Variants in MANSC4 observed in about 807,000 individuals in gnomAD.
The protein encoded by MANSC4 is MANSC domain-containing protein 4.
A neutral mutation model predicts 11.4 loss-of-function variants in MANSC4; 11 were observed. The ratio of observed to expected loss-of-function variants is 0.97; its 90% CI spans 0.61 to 1.60. The LOEUF (loss-of-function observed/expected upper bound fraction) is 1.60, where lower values mean the gene tolerates loss of function less well. Ranked by LOEUF, MANSC4 falls within the 40% of genes most tolerant of loss-of-function variation. MANSC4 has a pLI of 0.00. For synonymous variants in MANSC4, 123 were observed against 147.1 expected, an observed-to-expected ratio of 0.84 and a Z score of 1.19; for missense variants, 354 against 404.6, an observed-to-expected ratio of 0.88 and a Z score of 1.07.
chr12:27,771,239 A>T lies in MANSC4; in HGVS notation c.38T>A (p.Leu13His), dbSNP rs949613069. 6.4e-7 allele frequency: 1 copy of T among 1,551,306 alleles called. No individual in the cohort carries two copies. The highest frequency in any genetic ancestry group is 1.4e-5 in the African/African-American group (1 of 73,018). Residue 13 changes from leucine (L) to histidine (H), a missense_variant, in exon 2 of 4, where the codon CTC (leucine) becomes CAC (histidine). Coordinates refer to ENST00000381273, the MANE Select transcript of MANSC4 (RefSeq NM_001146221.5). ...GTCTGATGTCCACCCCATGCTTAGG[A>T]GCAATATCACGTTCACTGCTACCTC... is the stretch of plus-strand genomic sequence containing the variant. Reference protein sequence around the residue: ...VAEVAVNVILLLSMGWTSDSL... With the variant: ...VAEVAVNVILHLSMGWTSDSL...
intron 2 of MANSC4, 115 bp downstream of exon 2, chr12:27,770,933 C>A: frequency 1.4e-6 from 1 of 726,974 alleles, no homozygotes; most frequent in Non-Finnish European, 2.2e-6. Context: ...CACCCTAGGG[C>A]ATCTTCTCTA....
At position 27,774,323 on chromosome 12, in the gene MANSC4, T is replaced by A. The variant is rs189410519; in HGVS notation, c.-306-2741A>T. Among the ~76,000 whole-genome samples, 290 of 152,270 alleles carry A rather than the reference T, an allele frequency of 1.9e-3. 1 individual carries two copies. Among genetic ancestry groups the A allele is most frequent in the African/African-American group, 6.6e-3 (273 of 41,564 alleles). On this transcript the variant is annotated intron_variant, in intron 1 of 3. Coordinates refer to ENST00000381273, the MANE Select transcript of MANSC4 (RefSeq NM_001146221.5). ...TCAATATTTCACCTTTAATTAATTA[T>A]TTATTTATTTTTTGAGAGTTTCCAT...
chr12:27,764,952 C>T (rs1334299204), intron 3 of MANSC4, among the ~76,000 whole-genome samples: 1 of 152,138 alleles, frequency 6.6e-6, no homozygotes, highest in Non-Finnish European at 1.5e-5. Flanking sequence ...ATCCTCCCAC[C>T]TCAGCCTCAT....
rs545235002 is a variant in MANSC4 at position 27,763,359 on chromosome 12, G to C, written c.402C>G (p.Pro134=). The C allele has an allele frequency of 6.5e-7, 1 of 1,549,870 alleles. No individual in the cohort carries two copies. The highest frequency in any genetic ancestry group is 2.4e-5 in the East Asian group (1 of 40,900). ...ATGAAGAACGAGTATTTAGATATGT[G>C]GGAGATTGTTCAAAAACCAGCAAAT... ...DPDLLVFEQS[P]TYLNTRSSSN... The change falls in exon 4 of 4, where the codon CCC becomes CCG. Residue 134 remains proline, a synonymous_variant. Coordinates refer to ENST00000381273, the MANE Select transcript of MANSC4 (RefSeq NM_001146221.5).
At chr12:27,775,072 A>C (rs2062114739) in intron 1 of MANSC4, among the ~76,000 whole-genome samples, 1 of 148,342 alleles carries the variant, frequency 6.7e-6, no homozygotes, top group African/African-American at 2.5e-5. Context: ...AATAAATAAG[A>C]TTACTTTCCT....
chr12:27,778,230 A>AG (rs2062126850), intron 1 of MANSC4, among the ~76,000 whole-genome samples: 1 of 150,930 alleles, frequency 6.6e-6, no homozygotes, highest in Non-Finnish European at 1.5e-5. Context: ...TGTCTCAAAA[A>AG]AAAAAAAAAA....
intron 2 of MANSC4, among the ~76,000 whole-genome samples, chr12:27,770,244 G>A (rs1207138490): frequency 6.6e-6 from 1 of 152,226 alleles, no homozygotes; most frequent in East Asian, 1.9e-4. Context: ...GCACTGGTGC[G>A]ATCTCGGCTC....
At chr12:27,776,746 CCT>C (rs936331852) in intron 1 of MANSC4, among the ~76,000 whole-genome samples, 1 of 151,800 alleles carries the variant, frequency 6.6e-6, no homozygotes, top group Non-Finnish European at 1.5e-5. Context: ...AGAGTGAGAC[CCT>C]GTCTAAAAAA....
intron 1 of MANSC4, among the ~76,000 whole-genome samples, chr12:27,776,088 C>CAAAAAA (rs35924016): frequency 1.6e-4 from 10 of 63,058 alleles, no homozygotes; most frequent in Non-Finnish European, 2.7e-4. Context: ...GAGACTGTCT[C>CAAAAAA]AAAAAAAAAA....
chr12:27,772,001 C>A (rs1272598731), intron 1 of MANSC4, among the ~76,000 whole-genome samples: 1 of 152,090 alleles, frequency 6.6e-6, no homozygotes, highest in Admixed American at 6.5e-5. Flanking sequence ...TGAGATGACA[C>A]TACTGCACTC....
rs2062138508 is a variant in MANSC4 at position 27,780,167 on chromosome 12, G to GAGGGGCCGCCGGAGA, written c.-307+28_-307+42dup. On this transcript the variant is annotated intron_variant, in intron 1 of 3. Coordinates refer to ENST00000381273, the MANE Select transcript of MANSC4 (RefSeq NM_001146221.5). The surrounding 1 kb of genome is among the most constrained non-coding windows in gnomAD (Gnocchi z 8.8). ...GCCTCGCGGGAGCGGGCCCCGGGAG[G>GAGGGGCCGCCGGAGA]AGGGGCCGCCGGAGAGGCCGGGCGA... The GAGGGGCCGCCGGAGA allele has an allele frequency of 3.0e-6, 1 of 332,984 alleles. No homozygotes were observed. Among genetic ancestry groups the GAGGGGCCGCCGGAGA allele is most frequent in the Non-Finnish European group, 4.9e-6 (1 of 205,478 alleles). 20.6% of individuals were successfully genotyped at this position (332,984 alleles called of 1,614,324 possible). A position where few individuals can be genotyped will look rare whatever the true frequency, so the allele number is the denominator to read the frequency against.
chr12:27,768,414 A>T (rs2062083550), intron 2 of MANSC4, among the ~76,000 whole-genome samples: 4 of 140,402 alleles, frequency 2.8e-5, no homozygotes, highest in African/African-American at 9.9e-5. Context: ...AAAAAAAAAA[A>T]AAAAAAAAGA....
chr12:27,762,784 G>C lies in MANSC4; in HGVS notation c.977C>G (p.Ser326Cys). Residue 326 changes from serine to cysteine, a missense_variant, in exon 4 of 4, where the codon TCC (serine) becomes TGC (cysteine). Coordinates refer to ENST00000381273, the MANE Select transcript of MANSC4 (RefSeq NM_001146221.5). ...ATGGTTACGGTTTTTAATTTGCAAG[G>C]ATCCTGATTTTCTCTGTCCTGGTTT... Reference protein sequence around the residue: ...QYKPGQRKSGSLQIKNRNHMK... With the variant: ...QYKPGQRKSGCLQIKNRNHMK... 1 of 1,547,602 alleles carries C rather than the reference G, an allele frequency of 6.5e-7. No individual in the cohort carries two copies. The highest frequency in any genetic ancestry group is 1.4e-5 in the African/African-American group (1 of 72,854).
intron 1 of MANSC4, among the ~76,000 whole-genome samples, chr12:27,777,294 A>G (rs974382020): frequency 1.3e-5 from 2 of 152,234 alleles, no homozygotes; most frequent in Non-Finnish European, 2.9e-5. Flanking sequence ...AAAAGCATCC[A>G]TTGGTGAAAG....
intron 2 of MANSC4, among the ~76,000 whole-genome samples, chr12:27,767,663 C>T (rs1591809048): frequency 6.6e-6 from 1 of 152,258 alleles, no homozygotes; most frequent in East Asian, 1.9e-4. Context: ...CGCCATTGCA[C>T]TCCAGACTGG....
chr12:27,770,925 C>T (rs895340555), intron 2 of MANSC4, 123 bp downstream of exon 2: 1 of 702,100 alleles, frequency 1.4e-6, no homozygotes, highest in African/African-American at 1.8e-5. Context: ...CTCTCCCACA[C>T]CCTAGGGCAT....
At chr12:27,768,724 T>C (rs2062086213) in intron 2 of MANSC4, among the ~76,000 whole-genome samples, 1 of 149,826 alleles carries the variant, frequency 6.7e-6, no homozygotes, top group Non-Finnish European at 1.5e-5. Context: ...CCTCCTGGGT[T>C]CAAGCGATTC....
intron 3 of MANSC4, among the ~76,000 whole-genome samples, chr12:27,764,095 T>C (rs561036995): frequency 6.6e-6 from 1 of 152,226 alleles, no homozygotes; most frequent in South Asian, 2.1e-4. Context: ...ATAAGCAAAA[T>C]CATGAGCAAA....
chr12:27,771,693 A>T (rs1165027987), intron 1 of MANSC4, among the ~76,000 whole-genome samples, 111 bp from the exon 2 acceptor site: 1 of 152,224 alleles, frequency 6.6e-6, no homozygotes, highest in African/African-American at 2.4e-5. Context: ...TTGACATCAG[A>T]TAAAGGAAGT....
Sources: gnomAD v4.1 joint callset for allele counts (sites outside exome capture counted in the v4.1 genomes callset) on GRCh38, gnomAD v4.1.1 for gene constraint, Gnocchi (gnomAD v3.1) non-coding constraint, MANE v1.5 for transcripts, NCBI Gene and HGNC (gene_info 2026-07-23, HGNC 2026-07-21) for gene names.